CACNA1B: variants seen among roughly 807,000 people sequenced by gnomAD.
CACNA1B encodes calcium voltage-gated channel subunit alpha1 B, also known as voltage-dependent N-type calcium channel subunit alpha-1B.
Under a neutral mutation model 247.2 loss-of-function variants are expected in CACNA1B, and 70 were observed. That is an observed-to-expected ratio of 0.28 (90% confidence interval 0.23 to 0.35). The LOEUF is 0.35. Among genes scored for constraint, CACNA1B ranks in the 10% least tolerant of loss-of-function variants. CACNA1B has a pLI of 1.00. For synonymous variants in CACNA1B, 1,231 were observed against 1,294.4 expected (o/e 0.95, Z 1.05); for missense variants, 2,367 against 3,197.4 (o/e 0.74, Z 6.26).
At chr9:137,946,637 A>G (rs1423552548) in intron 6 of CACNA1B, among the ~76,000 whole-genome samples, 1 of 151,794 alleles carries the variant, frequency 6.6e-6, no homozygotes, top group South Asian at 2.1e-4. Context: ...CAGGTCCCTC[A>G]TGTGAACCAG....
At position 138,081,160 on chromosome 9, in the gene CACNA1B, G is replaced by C. The variant is rs573038559; in HGVS notation, c.5094+2902G>C. Among the ~76,000 whole-genome samples the C allele has an allele frequency of 2.6e-4, 39 of 152,322 alleles. No homozygotes were observed. The Middle Eastern group carries it at 0.014, about 53-fold the overall frequency. On this transcript the variant is annotated intron_variant, in intron 36 of 46. Coordinates refer to ENST00000371372, the MANE Select transcript of CACNA1B (RefSeq NM_000718.4). ...ACTAGCCTGACCTTACCATGCACCT[G>C]GCCGCAGAGATGGGGTTCCACAGAA...
At chr9:138,029,376 G>C (rs1958960229) in intron 20 of CACNA1B, among the ~76,000 whole-genome samples, 1 of 152,220 alleles carries the variant, frequency 6.6e-6, no homozygotes, top group African/African-American at 2.4e-5. Context: ...TTGTAGGACA[G>C]TTCCTTTGTA....
At chr9:138,114,342 C>A (rs201418902) in intron 40 of CACNA1B, 36 bp from the exon 41 acceptor site, 54 of 1,060,174 alleles carry the variant, frequency 5.1e-5, no homozygotes, top group Middle Eastern at 2.0e-4. Flanking sequence ...TCCTCTGCCC[C>A]CTTCTCCGAA....
At chr9:138,001,351 CT>C (rs1362519917) in intron 15 of CACNA1B, among the ~76,000 whole-genome samples, 1 of 152,016 alleles carries the variant, frequency 6.6e-6, no homozygotes, top group Non-Finnish European at 1.5e-5. Flanking sequence ...GTATGAGTTT[CT>C]TTTTTTGAAG....
intron 42 of CACNA1B, among the ~76,000 whole-genome samples, chr9:138,117,298 G>A (rs953597255): frequency 6.6e-6 from 1 of 151,448 alleles, no homozygotes; most frequent in African/African-American, 2.4e-5. Flanking sequence ...GGGGGGGTCA[G>A]AGAAGTAAGG....
At chr9:138,024,237 G>C (rs529472931) in intron 19 of CACNA1B, among the ~76,000 whole-genome samples, 66 of 152,338 alleles carry the variant, frequency 4.3e-4, no homozygotes, top group African/African-American at 1.5e-3. Flanking sequence ...GCTGGGCGCA[G>C]AGCGGGGTGT....
In CACNA1B at chr9:138,072,847, G is replaced by C. The variant is rs1422383126; in HGVS notation, c.4675-641G>C. On this transcript the variant is annotated intron_variant, in intron 32 of 46. Coordinates refer to ENST00000371372, the MANE Select transcript of CACNA1B (RefSeq NM_000718.4). The surrounding 1 kb of genome is among the most constrained non-coding windows in gnomAD (Gnocchi z 4.5). ...GACAGCCTGGGCTCTCTAGAGCAGA[G>C]GCCTGTTTGACCGTGAATTGCAGAG... Among the ~76,000 whole-genome samples the C allele has an allele frequency of 2.6e-5, 4 of 152,244 alleles. No homozygotes were observed. Among genetic ancestry groups the C allele is most frequent in the Admixed American group, 6.5e-5 (1 of 15,290 alleles).
At position 138,050,201 on chromosome 9, in the gene CACNA1B, G is replaced by A. The variant is rs890726611; in HGVS notation, c.3710+886G>A. The A allele has an allele frequency of 5.2e-6, 4 of 773,762 alleles. No individual in the cohort carries two copies. Among genetic ancestry groups the A allele is most frequent in the Non-Finnish European group, 7.7e-6 (4 of 520,666 alleles). The allele number at this position is 773,762 out of a possible 1,614,324, so 47.9% of individuals were successfully genotyped here. On this transcript the variant is annotated intron_variant, in intron 24 of 46. Transcript: ENST00000371372. The surrounding 1 kb of genome is among the most constrained non-coding windows in gnomAD (Gnocchi z 5.2). ...CGCCCATCCACTTTCACCCCATCGG[G>A]GCTGCATGCTGCCGGGAGCCAAGTC...
intron 5 of CACNA1B, among the ~76,000 whole-genome samples, chr9:137,915,514 G>A (rs1939824529): frequency 6.6e-6 from 1 of 152,242 alleles, no homozygotes; most frequent in East Asian, 1.9e-4. Context: ...AAGGTTTGTG[G>A]CTTGAACTAC....
At chr9:138,049,546 T>A (rs1197791069) in intron 24 of CACNA1B, among the ~76,000 whole-genome samples, 2 of 152,134 alleles carry the variant, frequency 1.3e-5, no homozygotes, top group East Asian at 3.9e-4. Flanking sequence ...GTGTGGCCTG[T>A]GGCCCTGGGA....
intron 39 of CACNA1B, among the ~76,000 whole-genome samples, chr9:138,107,176 A>G (rs993934545): frequency 2.0e-5 from 3 of 151,868 alleles, no homozygotes; most frequent in Non-Finnish European, 2.9e-5. Context: ...AGCCTTCCCT[A>G]TCTCAGTCAA....
Position 137,879,102 on chromosome 9 carries a change from G to T in CACNA1B, c.333G>T (p.Val111=). ...CCACCATCATCGCCAACTGCATCGT[G>T]CTGGCCCTGGAGCAGCACCTCCCTG... ...ILATIIANCI[V]LALEQHLPDG... The change falls in exon 2 of 47, where the codon GTG becomes GTT. Residue 111 remains valine (V), a synonymous_variant. Coordinates refer to ENST00000371372, the MANE Select transcript of CACNA1B (RefSeq NM_000718.4). The T allele has an allele frequency of 6.2e-7, 1 of 1,612,572 alleles. No individual in the cohort carries two copies.
intron 6 of CACNA1B, among the ~76,000 whole-genome samples, chr9:137,949,070 G>GCACT (rs1957836399): frequency 6.1e-5 from 5 of 81,988 alleles, no homozygotes; most frequent in East Asian, 3.6e-4. Context: ...TATGTGTGTA[G>GCACT]TGTGTGTGGT....
chr9:138,122,358 T>A lies in CACNA1B; in HGVS notation c.*359T>A. 3.4e-6 allele frequency: 1 copy of A among 292,162 alleles called. No individual in the cohort carries two copies. Among genetic ancestry groups the A allele is most frequent in the African/African-American group, 2.1e-5 (1 of 46,886 alleles). 18.1% of individuals were successfully genotyped at this position (292,162 alleles called of 1,614,324 possible). ...TGGAGCCGTTGTGAGGAGCTCTGCG[T>A]CCTGTGGGGAGCACCCTTCACGTGG... On this transcript the variant is annotated 3_prime_UTR_variant, in exon 47 of 47. Transcript: ENST00000371372.
Position 138,053,921 on chromosome 9 carries a change from A to G in CACNA1B, c.3883A>G (p.Ile1295Val). 6.2e-7 allele frequency: 1 copy of G among 1,613,422 alleles called. No homozygotes were observed. Among genetic ancestry groups the G allele is most frequent in the East Asian group, 2.2e-5 (1 of 44,870 alleles). ...GATTGTCTACATGCTCTTCATGTTC[A>G]TATTTGCCGTCATTGCGGTGCAGCT... ...ILIVYMLFMF[I>V]FAVIAVQLFK... The change falls in exon 26 of 47, where the codon ATA (isoleucine) becomes GTA (valine). Residue 1295 changes from isoleucine to valine, a missense_variant. This residue lies in a region of CACNA1B where 436 missense variants were observed against 679.5 expected (regional missense o/e 0.64). Transcript: ENST00000371372.
Position 138,112,512 on chromosome 9 carries a change from G to T in CACNA1B, c.5536+7G>T. Reference sequence around the variant, plus strand: ...CTGGTACCACCCCATAAGCGTAAGTGTGAGGGTGAGAAATGCCCCCAGCCC... The same window carrying T: ...CTGGTACCACCCCATAAGCGTAAGTTTGAGGGTGAGAAATGCCCCCAGCCC... On this transcript the variant is annotated splice_region_variant and intron_variant, in intron 40 of 46. Coordinates refer to ENST00000371372, the MANE Select transcript of CACNA1B (RefSeq NM_000718.4). 3.8e-6 allele frequency: 6 copies of T among 1,563,428 alleles called. No individual in the cohort carries two copies. Among genetic ancestry groups the T allele is most frequent in the Non-Finnish European group, 4.4e-6 (5 of 1,133,730 alleles).
chr9:137,935,410 A>C (rs986817465), intron 6 of CACNA1B, among the ~76,000 whole-genome samples: 1 of 152,204 alleles, frequency 6.6e-6, no homozygotes, highest in African/African-American at 2.4e-5. Context: ...AGCTTCATCC[A>C]TGTCCCTACA....
rs1956922758 is a variant in CACNA1B at position 137,881,638 on chromosome 9, C to T, written c.391-1106C>T. Among the ~76,000 whole-genome samples, 1 of 152,236 alleles carries T rather than the reference C, an allele frequency of 6.6e-6. No individual in the cohort carries two copies. The highest frequency in any genetic ancestry group is 1.5e-5 in the Non-Finnish European group (1 of 68,032). On this transcript the variant is annotated intron_variant, in intron 2 of 46. Transcript: ENST00000371372. This position sits in a 1 kb window ranked among gnomAD's most constrained non-coding sequence, Gnocchi z 4.3. ...CATGCCAACCCTGCACATGCAGCTC[C>T]CTCAGCCCAGCTTCCCGGGCTTGCC...
rs1958884032 is a variant in CACNA1B at position 138,023,809 on chromosome 9, C to G, written c.3066C>G (p.Pro1022=). The G allele has an allele frequency of 7.4e-7, 1 of 1,343,202 alleles. No homozygotes were observed. The highest frequency in any genetic ancestry group is 1.0e-6 in the Non-Finnish European group (1 of 958,962). 83.2% of individuals were successfully genotyped at this position (1,343,202 alleles called of 1,614,324 possible). Residue 1022 remains proline (P), a splice_region_variant and synonymous_variant, in exon 19 of 47, where the codon CCC becomes CCG. Transcript: ENST00000371372. ...AAAAGGAGCTCCGGAACCACCAGCC[C>G]CGGTGAGTCCGCGGCTGGGCGGGGT... The part of the protein sequence containing the change: ...DKEKELRNHQ[P]REPHCDLETS...
Sources: gnomAD v4.1 joint callset for allele counts (sites outside exome capture counted in the v4.1 genomes callset) on GRCh38, gnomAD v4.1.1 for gene constraint, gnomAD v4.1.1 regional missense constraint, Gnocchi (gnomAD v3.1) non-coding constraint, MANE v1.5 for transcripts, NCBI Gene and HGNC (gene_info 2026-07-23, HGNC 2026-07-21) for gene names.